Variants in SSH2 observed in about 807,000 individuals in gnomAD.
SSH2 encodes protein phosphatase Slingshot homolog 2.
In SSH2, 37 loss-of-function variants were observed where a neutral mutation model predicts 135.2. The observed-to-expected ratio is 0.27, with a 90% CI of 0.21 to 0.36. SSH2 has a LOEUF of 0.36. Among genes scored for constraint, SSH2 ranks in the 10% least tolerant of loss-of-function variants. SSH2 has a pLI of 1.00. For synonymous variants in SSH2, 628 were observed against 646.2 expected (o/e 0.97, Z 0.43); for missense variants, 1,408 against 1,765.3 (o/e 0.80, Z 3.63).
At chr17:29,722,424 T>C (rs887854983) in intron 3 of SSH2, among the ~76,000 whole-genome samples, 1 of 151,566 alleles carries the variant, frequency 6.6e-6, no homozygotes, top group South Asian at 2.1e-4. Context: ...GAAAGGAAAA[T>C]AAAAATAAGG....
intron 2 of SSH2, among the ~76,000 whole-genome samples, chr17:29,813,422 A>C (rs2042484355): frequency 6.6e-6 from 1 of 152,198 alleles, no homozygotes; most frequent in Admixed American, 6.5e-5. Flanking sequence ...AAAGAAATAC[A>C]AATGAAAAGG....
chr17:29,663,452 A>G (rs1173472873), intron 11 of SSH2, among the ~76,000 whole-genome samples: 1 of 152,252 alleles, frequency 6.6e-6, no homozygotes, highest in Non-Finnish European at 1.5e-5. Flanking sequence ...CAGTGTAAAC[A>G]AAGGGAGGAA....
chr17:29,787,095 T>C (rs1402347233), intron 3 of SSH2, among the ~76,000 whole-genome samples: 1 of 152,216 alleles, frequency 6.6e-6, no homozygotes, highest in Non-Finnish European at 1.5e-5. Flanking sequence ...CTAGAACTTT[T>C]TTCATCTTCC....
chr17:29,890,221 T>C (rs1328945452), intron 1 of SSH2, among the ~76,000 whole-genome samples: 2 of 152,148 alleles, frequency 1.3e-5, no homozygotes, highest in Admixed American at 1.3e-4. Flanking sequence ...GGTGGGAATG[T>C]AAAATGGTGC....
At chr17:29,796,613 T>C (rs1195242401) in intron 2 of SSH2, among the ~76,000 whole-genome samples, 1 of 152,188 alleles carries the variant, frequency 6.6e-6, no homozygotes, top group African/African-American at 2.4e-5. Context: ...TGGTCTAGGA[T>C]TATAGGCGTG....
chr17:29,643,755 A>C (rs1282568569), intron 14 of SSH2, among the ~76,000 whole-genome samples: 1 of 152,116 alleles, frequency 6.6e-6, no homozygotes, highest in East Asian at 1.9e-4. Context: ...CGGCCTCCCA[A>C]AATGCTAGGA....
intron 3 of SSH2, among the ~76,000 whole-genome samples, chr17:29,747,231 A>G (rs2040792959): frequency 6.6e-6 from 1 of 152,214 alleles, no homozygotes; most frequent in South Asian, 2.1e-4. Flanking sequence ...AAAAAATCAA[A>G]TAATTCTACT....
At chr17:29,894,257 C>T (rs925894875) in intron 1 of SSH2, among the ~76,000 whole-genome samples, 8 of 152,076 alleles carry the variant, frequency 5.3e-5, no homozygotes, top group African/African-American at 1.9e-4. Context: ...AATAAATGGT[C>T]ACTATCATTT....
chr17:29,694,090 G>A (rs191964574), intron 5 of SSH2, among the ~76,000 whole-genome samples: 63 of 152,078 alleles, frequency 4.1e-4, no homozygotes, highest in African/African-American at 1.4e-3. Context: ...GAGATATTGT[G>A]ATTTTTTTTT....
intron 14 of SSH2, 118 bp downstream of exon 14, chr17:29,648,026 T>C: frequency 1.0e-6 from 1 of 979,262 alleles, no homozygotes; most frequent in Non-Finnish European, 1.6e-6. Context: ...GAGAAATAAG[T>C]CTTTTTTGAA....
At chr17:29,695,235 T>C (rs1424497606) in intron 5 of SSH2, among the ~76,000 whole-genome samples, 1 of 152,212 alleles carries the variant, frequency 6.6e-6, no homozygotes, top group Non-Finnish European at 1.5e-5. Flanking sequence ...CCCAAGGTTT[T>C]TCTCCATTTT....
chr17:29,799,949 T>C (rs924929805), intron 2 of SSH2, among the ~76,000 whole-genome samples: 46 of 152,342 alleles, frequency 3.0e-4, no homozygotes, highest in Non-Finnish European at 5.3e-4. Flanking sequence ...TAACCCAAGA[T>C]GGCAATTCAG....
Position 29,760,999 on chromosome 17 carries a change from T to C in SSH2, c.188+32895A>G. The C allele has an allele frequency of 6.7e-6, 5 of 743,948 alleles. No homozygotes were observed. In the South Asian group the frequency reaches 8.2e-5, roughly 12 times the overall value. 46.1% of individuals were successfully genotyped at this position (743,948 alleles called of 1,614,324 possible). A position where few individuals can be genotyped will look rare whatever the true frequency, so the allele number is the denominator to read the frequency against. On this transcript the variant is annotated intron_variant, in intron 3 of 15. Coordinates refer to ENST00000540801, the MANE Select transcript of SSH2 (RefSeq NM_001282129.2). ...CCCCCACCGTTCTACCCCAGCATCC[T>C]TCCCTCCAGACGCACGGAGACCTCC...
chr17:29,861,856 T>A (rs2065771244), intron 1 of SSH2, among the ~76,000 whole-genome samples: 1 of 152,216 alleles, frequency 6.6e-6, no homozygotes, highest in Non-Finnish European at 1.5e-5. Context: ...TGGCCCATAA[T>A]CTTCGTCTTT....
chr17:29,649,514 G>A (rs1173317091), intron 13 of SSH2, among the ~76,000 whole-genome samples: 3 of 151,840 alleles, frequency 2.0e-5, no homozygotes, highest in Admixed American at 2.0e-4. Flanking sequence ...AGCTTTCCAA[G>A]AAGCTGGTAT....
chr17:29,870,274 T>C (rs1468453171), intron 1 of SSH2, among the ~76,000 whole-genome samples: 4 of 106,132 alleles, frequency 3.8e-5, no homozygotes, highest in Non-Finnish European at 7.7e-5. Flanking sequence ...TAAAGCAGAA[T>C]AGGTAAAAAA....
intron 1 of SSH2, among the ~76,000 whole-genome samples, chr17:29,863,237 C>G (rs1267749099): frequency 6.6e-6 from 1 of 152,070 alleles, no homozygotes; most frequent in Admixed American, 6.6e-5. Flanking sequence ...GATAAATTGC[C>G]CAGAACTGTT....
intron 11 of SSH2, among the ~76,000 whole-genome samples, chr17:29,664,826 A>G (rs2037204942): frequency 6.6e-6 from 1 of 152,206 alleles, no homozygotes; most frequent in Admixed American, 6.5e-5. Flanking sequence ...CAATACTATT[A>G]AAATTTGCTT....
At chr17:29,901,130 G>T (rs965309434) in intron 1 of SSH2, among the ~76,000 whole-genome samples, 2 of 152,102 alleles carry the variant, frequency 1.3e-5, no homozygotes, top group Non-Finnish European at 2.9e-5. Context: ...GGCCTGTTGT[G>T]GGTTGGGGGG....
Sources: gnomAD v4.1 joint callset for allele counts (sites outside exome capture counted in the v4.1 genomes callset) on GRCh38, gnomAD v4.1.1 for gene constraint, MANE v1.5 for transcripts, NCBI Gene and HGNC (gene_info 2026-07-23, HGNC 2026-07-21) for gene names.